UGT1A4: variants seen among roughly 807,000 people sequenced by gnomAD.
UGT1A4 encodes the protein UDP glucuronosyltransferase family 1 member A4.
UGT1A4 carries 32 observed loss-of-function variants against 41.1 expected under a neutral mutation model. The observed-to-expected ratio is 0.78, with a 90% CI of 0.59 to 1.05. The LOEUF (loss-of-function observed/expected upper bound fraction) is 1.05, where lower values mean the gene tolerates loss of function less well. UGT1A4 is among the 50% of genes least tolerant of loss of function. The probability of loss-of-function intolerance (pLI) is 0.00; values close to 1 mark genes in which losing one functional copy is unlikely to be tolerated. For missense variants in UGT1A4, 748 were observed against 677.4 expected (o/e 1.10, Z -1.16); for synonymous variants, 283 against 265.1 (o/e 1.07, Z -0.66).
rs879204025 is a variant in UGT1A4, at chr2:233,769,857, CAAA to C, written c.1307+1433_1307+1435del. The C allele has an allele frequency of 9.2e-3, 2,056 of 222,634 alleles. No homozygotes were observed. Among genetic ancestry groups the C allele is most frequent in the South Asian group, 0.014 (129 of 9,020 alleles). The allele number at this position is 222,634 out of a possible 1,614,324, so 13.8% of individuals were successfully genotyped here. On this transcript the variant is annotated intron_variant, in intron 4 of 4. Transcript: ENST00000373409. The surrounding 1 kb of genome is among the most constrained non-coding windows in gnomAD (Gnocchi z 4.4). ...TGGGCAACAGAGTGAGACCCTGTCT[CAAA>C]AAAAAAAAAAAAAATGAAAAGTCCA...
intron 1 of UGT1A4, among the ~76,000 whole-genome samples, chr2:233,765,193 A>G (rs1229079097): frequency 6.6e-6 from 1 of 152,214 alleles, no homozygotes; most frequent in Non-Finnish European, 1.5e-5. Flanking sequence ...TCACACAATC[A>G]TATTAGTGCC....
intron 1 of UGT1A4, chr2:233,747,117 G>A: frequency 1.4e-6 from 2 of 1,451,680 alleles, no homozygotes; most frequent in Admixed American, 2.0e-5. Context: ...ATGATGATTT[G>A]CTAAGTGGCT....
At chr2:233,742,200 G>A (rs1293437959) in intron 1 of UGT1A4, among the ~76,000 whole-genome samples, 2 of 151,984 alleles carry the variant, frequency 1.3e-5, no homozygotes, top group East Asian at 3.9e-4. Context: ...GAAATCAGGG[G>A]ACTCACAGCC....
At chr2:233,744,436 C>G (rs183534266) in intron 1 of UGT1A4, among the ~76,000 whole-genome samples, 10 of 151,926 alleles carry the variant, frequency 6.6e-5, no homozygotes. Context: ...ATCTATCATA[C>G]GTACTGCATT....
chr2:233,757,270 C>T (rs1464122204), intron 1 of UGT1A4, among the ~76,000 whole-genome samples: 2 of 102,654 alleles, frequency 1.9e-5, no homozygotes, highest in African/African-American at 7.7e-5. Context: ...GCAGCCGATG[C>T]AATGATTCAG....
intron 1 of UGT1A4, among the ~76,000 whole-genome samples, chr2:233,757,587 A>G (rs1696672783): frequency 9.1e-6 from 1 of 109,366 alleles, no homozygotes; most frequent in Middle Eastern, 4.5e-3. Context: ...CTATAGTCTA[A>G]TAGCAAGGAC....
intron 1 of UGT1A4, among the ~76,000 whole-genome samples, chr2:233,756,524 T>C (rs1159004453): frequency 6.6e-6 from 1 of 152,188 alleles, no homozygotes; most frequent in Non-Finnish European, 1.5e-5. Flanking sequence ...GTGCATGTTA[T>C]TCACTTTTCT....
At chr2:233,758,070 G>T (rs1696791398) in intron 1 of UGT1A4, among the ~76,000 whole-genome samples, 1 of 152,026 alleles carries the variant, frequency 6.6e-6, no homozygotes, top group South Asian at 2.1e-4. Flanking sequence ...TGACTTTCTG[G>T]GCCTAGTTCC....
At position 233,749,745 on chromosome 2, in the gene UGT1A4, G is replaced by T. The variant is rs1364813109; in HGVS notation, c.868-17289G>T. On this transcript the variant is annotated intron_variant, in intron 1 of 4. Coordinates refer to ENST00000373409, the MANE Select transcript of UGT1A4 (RefSeq NM_007120.3). ...TTTCGCACCTGCTGGTCTCATCATA[G>T]TGAGTGAGTTCTTATGAGATCTGAT... Among the ~76,000 whole-genome samples the T allele has an allele frequency of 4.6e-5, 7 of 151,902 alleles. 2 individuals carry two copies. The highest frequency in any genetic ancestry group is 1.0e-4 in the Non-Finnish European group (7 of 68,034).
At chr2:233,761,103 G>A (rs371726341) in intron 1 of UGT1A4, 4 of 1,614,144 alleles carry the variant, frequency 2.5e-6, no homozygotes, top group Admixed American at 1.7e-5. Flanking sequence ...TGCCCAATAT[G>A]GTTTTTGTTG....
intron 1 of UGT1A4, among the ~76,000 whole-genome samples, chr2:233,720,965 C>T (rs921825655): frequency 2.6e-5 from 4 of 151,612 alleles, no homozygotes; most frequent in Admixed American, 6.6e-5. Flanking sequence ...CCCGCCTCGG[C>T]CTCCCAAAGT....
chr2:233,720,495 T>G (rs546107081), intron 1 of UGT1A4, among the ~76,000 whole-genome samples: 4 of 152,212 alleles, frequency 2.6e-5, no homozygotes, highest in Admixed American at 2.6e-4. Context: ...AGAAGGGAAG[T>G]GTTTCTCAGG....
chr2:233,771,112 C>T (rs1345932660), intron 4 of UGT1A4: 1 of 152,184 alleles, frequency 6.6e-6, no homozygotes. Flanking sequence ...CACTAAAGCA[C>T]AAGGGATCCG....
intron 1 of UGT1A4, chr2:233,747,755 C>T: frequency 6.2e-7 from 1 of 1,613,468 alleles, no homozygotes; most frequent in Non-Finnish European, 8.5e-7. Context: ...GTGATTTAGA[C>T]TTTAAGGGCA....
At chr2:233,736,941 G>A (rs2125804674) in intron 1 of UGT1A4, among the ~76,000 whole-genome samples, 1 of 152,244 alleles carries the variant, frequency 6.6e-6, no homozygotes, top group East Asian at 1.9e-4. Context: ...ACCTATATGA[G>A]GTGTCTGTTG....
At chr2:233,772,075 T>C (rs1032984731) in intron 4 of UGT1A4, among the ~76,000 whole-genome samples, 187 bp from the exon 5 acceptor site, 85 of 152,270 alleles carry the variant, frequency 5.6e-4, no homozygotes, top group Non-Finnish European at 1.0e-3. Flanking sequence ...CTTGTGCCAC[T>C]ACACTCCAGC....
chr2:233,756,734 ACCT>A (rs1246183091), intron 1 of UGT1A4, among the ~76,000 whole-genome samples: 2 of 151,778 alleles, frequency 1.3e-5, no homozygotes, highest in African/African-American at 2.4e-5. Flanking sequence ...AGTTCTCTTC[ACCT>A]CCTCCTTATT....
rs1693746524 is a variant in UGT1A4, at chr2:233,747,672, A to G, written c.868-19362A>G. Reference sequence around the variant, plus strand: ...CTTCGATGTGGTTTTAATAGACCCAATTTACCTCTGTGGGGCAGTGCTGGC... The same window carrying G: ...CTTCGATGTGGTTTTAATAGACCCAGTTTACCTCTGTGGGGCAGTGCTGGC... On this transcript the variant is annotated intron_variant, in intron 1 of 4. Transcript: ENST00000373409. 1.4e-5 allele frequency: 22 copies of G among 1,605,362 alleles called. No individual in the cohort carries two copies. The South Asian group carries it at 1.4e-4, about 10-fold the overall frequency.
chr2:233,742,567 C>T (rs1045281711), intron 1 of UGT1A4, among the ~76,000 whole-genome samples: 3 of 151,796 alleles, frequency 2.0e-5, no homozygotes, highest in East Asian at 1.9e-4. Flanking sequence ...AGCTTCTGGC[C>T]GGAATTGGGG....
Sources: gnomAD v4.1 joint callset for allele counts (sites outside exome capture counted in the v4.1 genomes callset) on GRCh38, gnomAD v4.1.1 for gene constraint, Gnocchi (gnomAD v3.1) non-coding constraint, MANE v1.5 for transcripts, NCBI Gene and HGNC (gene_info 2026-07-23, HGNC 2026-07-21) for gene names.